The following XRCC5 variants were observed in gnomAD, a reference collection of about 807,000 sequenced individuals.
XRCC5 encodes the protein X-ray repair cross complementing 5.
In XRCC5, 12 loss-of-function variants were observed where a neutral mutation model predicts 95.7. The ratio of observed to expected loss-of-function variants is 0.13; its 90% CI spans 0.08 to 0.20. The LOEUF (loss-of-function observed/expected upper bound fraction) is 0.20, where lower values mean the gene tolerates loss of function less well. Ranked by LOEUF, XRCC5 falls within the 10% of genes least tolerant of loss-of-function variation. The probability of loss-of-function intolerance (pLI) is 1.00; values close to 1 mark genes in which losing one functional copy is unlikely to be tolerated. For synonymous variants in XRCC5, 281 were observed against 290.3 expected, an observed-to-expected ratio of 0.97 and a Z score of 0.33; for missense variants, 595 against 873.9, an observed-to-expected ratio of 0.68 and a Z score of 4.02.
At chr2:216,145,043 T>C (rs143420044) in intron 13 of XRCC5, among the ~76,000 whole-genome samples, 1 of 151,392 alleles carries the variant, frequency 6.6e-6, no homozygotes, top group African/African-American at 2.4e-5. Context: ...CAATGGGGAG[T>C]AGAGGTGAGC....
At chr2:216,180,865 T>C (rs1412560756) in intron 16 of XRCC5, among the ~76,000 whole-genome samples, 1 of 149,524 alleles carries the variant, frequency 6.7e-6, no homozygotes, top group African/African-American at 2.5e-5. Flanking sequence ...CGGGCTGGAG[T>C]GCAATGGCGC....
intron 14 of XRCC5, among the ~76,000 whole-genome samples, chr2:216,157,991 G>T (rs904241082): frequency 6.6e-6 from 1 of 152,204 alleles, no homozygotes; most frequent in Non-Finnish European, 1.5e-5. Context: ...TTGGCCTGGA[G>T]AATATTAACC....
intron 13 of XRCC5, among the ~76,000 whole-genome samples, chr2:216,143,913 G>A (rs971139060): frequency 3.3e-5 from 5 of 150,650 alleles, no homozygotes; most frequent in Admixed American, 6.6e-5. Flanking sequence ...ACGGGGTTTC[G>A]CTGTGTTAGC....
rs200232117 is a variant in XRCC5 at position 216,148,212 on chromosome 2, C to A, written c.1606C>A (p.Leu536Ile). ...GATTCCTCTCTCTAAAATAAAGACC[C>A]TTTTTCCTCTGATTGAAGCCAAGAA... ...SQIPLSKIKT[L>I]FPLIEAKKKD... Residue 536 changes from leucine (L) to isoleucine (I), a missense_variant, in exon 14 of 21, where the codon CTT (leucine) becomes ATT (isoleucine). This residue lies in a region of XRCC5 where 309 missense variants were observed against 382.9 expected (regional missense o/e 0.81). Coordinates refer to ENST00000392132, the MANE Select transcript of XRCC5 (RefSeq NM_021141.4). The A allele has an allele frequency of 4.3e-6, 7 of 1,613,696 alleles. No homozygotes were observed. In the South Asian group the frequency reaches 7.7e-5, roughly 18 times the overall value.
rs754498179 is a variant in XRCC5 at position 216,132,316 on chromosome 2, C to T, written c.1051-9C>T. On this transcript the variant is annotated splice_polypyrimidine_tract_variant and intron_variant, in intron 9 of 20. Coordinates refer to ENST00000392132, the MANE Select transcript of XRCC5 (RefSeq NM_021141.4). ...TTGGATCAAAAGCAATTCTTTTCCT[C>T]TCTTGTAGGTTCAGAGAAGATTCTT... The T allele has an allele frequency of 6.2e-7, 1 of 1,613,580 alleles. No individual in the cohort carries two copies.
intron 6 of XRCC5, 78 bp from the exon 7 acceptor site, chr2:216,125,839 T>C (rs1292494130): frequency 5.1e-6 from 6 of 1,175,238 alleles, no homozygotes; most frequent in Non-Finnish European, 6.3e-6. Flanking sequence ...CTTCTCATTG[T>C]AGAAAATCAA....
chr2:216,176,027 C>T (rs2106036839), intron 16 of XRCC5: 1 of 194,860 alleles, frequency 5.1e-6, no homozygotes, highest in Non-Finnish European at 1.0e-5. Context: ...GTGGTTTTAC[C>T]TCCATTTTAA....
chr2:216,134,950 GC>G (rs1314716892), intron 10 of XRCC5, among the ~76,000 whole-genome samples: 1 of 152,148 alleles, frequency 6.6e-6, no homozygotes, highest in African/African-American at 2.4e-5. Context: ...CAAGGACTTG[GC>G]TTTGTTTTTT....
intron 16 of XRCC5, chr2:216,175,037 C>T: frequency 6.6e-6 from 2 of 302,356 alleles, no homozygotes; most frequent in East Asian, 8.9e-5. Context: ...CTAAAATTTC[C>T]AGAATCATTA....
chr2:216,130,527 T>C (rs900831110), intron 8 of XRCC5, among the ~76,000 whole-genome samples: 1 of 152,204 alleles, frequency 6.6e-6, no homozygotes, highest in Non-Finnish European at 1.5e-5. Context: ...CAAATCATGC[T>C]GTACTTTAGT....
At position 216,205,836 on chromosome 2, in the gene XRCC5, A is replaced by G. The variant is rs1040494094; in HGVS notation, c.*634A>G. The G allele has an allele frequency of 6.6e-6, 1 of 152,346 alleles. No individual in the cohort carries two copies. The highest frequency in any genetic ancestry group is 2.4e-5 in the African/African-American group (1 of 41,456). The allele number at this position is 152,346 out of a possible 1,614,324, so 9.4% of individuals were successfully genotyped here. A position where few individuals can be genotyped will look rare whatever the true frequency, so the allele number is the denominator to read the frequency against. On this transcript the variant is annotated 3_prime_UTR_variant, in exon 21 of 21. Transcript: ENST00000392132. Reference sequence around the variant, plus strand: ...GGGAAGGGGAGCACAATTTCCCTTCATACTCCTTTTAAGCAGTGAGTTATG... The same window carrying G: ...GGGAAGGGGAGCACAATTTCCCTTCGTACTCCTTTTAAGCAGTGAGTTATG...
chr2:216,177,421 A>T (rs2106037840), intron 16 of XRCC5, among the ~76,000 whole-genome samples: 1 of 152,316 alleles, frequency 6.6e-6, no homozygotes, highest in Non-Finnish European at 1.5e-5. Context: ...CAGGTAATAG[A>T]GTATATGTTA....
chr2:216,126,593 G>C (rs1696903240), intron 7 of XRCC5, among the ~76,000 whole-genome samples: 1 of 152,198 alleles, frequency 6.6e-6, no homozygotes, highest in African/African-American at 2.4e-5. Context: ...GTAGGAATCT[G>C]ATGCGTGCCT....
chr2:216,175,431 T>A, intron 16 of XRCC5: 2 of 518,806 alleles, frequency 3.9e-6, no homozygotes, highest in South Asian at 2.8e-5. Context: ...CATCTCTTGT[T>A]TAGAAAGGGC....
At chr2:216,110,162 GC>G (rs1446700738) in intron 1 of XRCC5, among the ~76,000 whole-genome samples, 1 of 152,174 alleles carries the variant, frequency 6.6e-6, no homozygotes, top group Admixed American at 6.5e-5. Context: ...TGGTTTCAGG[GC>G]CCTGGAGAAC....
intron 1 of XRCC5, among the ~76,000 whole-genome samples, chr2:216,112,385 GTC>G (rs1696604327): frequency 6.6e-6 from 1 of 151,746 alleles, no homozygotes; most frequent in Non-Finnish European, 1.5e-5. Flanking sequence ...CTCCTCCTGT[GTC>G]TCTCAGTGCC....
intron 16 of XRCC5, among the ~76,000 whole-genome samples, chr2:216,170,560 A>G (rs1428623947): frequency 1.3e-5 from 2 of 152,114 alleles, no homozygotes; most frequent in African/African-American, 4.8e-5. Context: ...AAGAACAGCA[A>G]AGGGGAAGTC....
At chr2:216,166,512 A>G (rs1195040592) in intron 16 of XRCC5, among the ~76,000 whole-genome samples, 2 of 152,172 alleles carry the variant, frequency 1.3e-5, no homozygotes, top group Non-Finnish European at 2.9e-5. Context: ...ATTCATAAGC[A>G]CATCATTGCC....
chr2:216,147,412 T>G (rs1688655751), intron 13 of XRCC5, among the ~76,000 whole-genome samples: 2 of 152,080 alleles, frequency 1.3e-5, no homozygotes, highest in Admixed American at 1.3e-4. Flanking sequence ...TCGGACCACT[T>G]CCAGTCAGAC....
Sources: allele counts gnomAD v4.1 joint callset (sites outside exome capture counted in the v4.1 genomes callset), GRCh38; gene constraint gnomAD v4.1.1; regional missense constraint gnomAD v4.1.1; transcripts MANE v1.5; gene names NCBI Gene and HGNC (gene_info 2026-07-23, HGNC 2026-07-21).